The following PIN4 variants were observed in gnomAD, a reference collection of about 807,000 sequenced individuals.
PIN4 encodes the protein peptidyl-prolyl cis-trans isomerase NIMA-interacting 4.
Under a neutral mutation model 8.3 loss-of-function variants are expected in PIN4, and 3 were observed. That is an observed-to-expected ratio of 0.36 (90% CI 0.16 to 0.93). The LOEUF (loss-of-function observed/expected upper bound fraction) is 0.93. Ranked by LOEUF, PIN4 falls within the 40% of genes least tolerant of loss-of-function variation. PIN4 has a pLI of 0.44. For missense variants in PIN4, 75 were observed against 100.6 expected, an observed-to-expected ratio of 0.75 and a Z score of 1.09; for synonymous variants, 18 against 32.5, an observed-to-expected ratio of 0.55 and a Z score of 1.52.
At chrX:72,186,812 T>G (rs2042705987) in intron 2 of PIN4, among the ~76,000 whole-genome samples, 1 of 111,172 alleles carries the variant, frequency 9.0e-6, no homozygotes, top group African/African-American at 3.3e-5. Flanking sequence ...CCTAGCTACT[T>G]GGGAGGCTGA....
rs774754864 is a variant in PIN4 at position 72,208,565 on chromosome X, C to T, written c.312+11661C>T. ...TCATCTCCCTGTTCTGCCAACTCCT[C>T]CAAGGCTTCCTGTATTTTTTGGATT... On this transcript the variant is annotated intron_variant, in intron 3 of 3. Coordinates refer to the PIN4 transcript ENST00000423432. 6 of 1,211,819 alleles carry T rather than the reference C, an allele frequency of 5.0e-6. No individual in the cohort carries two copies. The South Asian group carries it at 1.1e-4, about 21-fold the overall frequency.
chrX:72,214,918 T>C (rs979672708), intron 3 of PIN4, among the ~76,000 whole-genome samples: 1 of 105,571 alleles, frequency 9.5e-6, no homozygotes, highest in East Asian at 3.1e-4. Context: ...ACTCAGGAGA[T>C]GGAGGTTGCA....
At chrX:72,233,807 T>A (rs1202622382) in intron 3 of PIN4, among the ~76,000 whole-genome samples, 1 of 109,246 alleles carries the variant, frequency 9.2e-6, no homozygotes, top group Admixed American at 9.9e-5. Flanking sequence ...GGCATGGTGG[T>A]TTTGTAAGAA....
intron 3 of PIN4, chrX:72,207,722 T>C (rs1425825702): frequency 8.3e-7 from 1 of 1,211,760 alleles, no homozygotes; most frequent in Non-Finnish European, 1.1e-6. Context: ...ACATCTGGAT[T>C]CTTTTCATTA....
chrX:72,238,108 T>A (rs1295500241), intron 3 of PIN4, among the ~76,000 whole-genome samples: 2 of 112,017 alleles, frequency 1.8e-5, no homozygotes, highest in Non-Finnish European at 3.8e-5. Context: ...CACAACAATA[T>A]GAATGTAGTC....
intron 3 of PIN4, among the ~76,000 whole-genome samples, chrX:72,212,004 G>A (rs975575049): frequency 5.4e-5 from 6 of 111,291 alleles, no homozygotes; most frequent in Non-Finnish European, 9.4e-5. Context: ...GCTGGGCATG[G>A]TGGCTCATGC....
At chrX:72,262,050 C>T (rs2043142004) in intron 3 of PIN4, among the ~76,000 whole-genome samples, 1 of 111,112 alleles carries the variant, frequency 9.0e-6, no homozygotes, top group Admixed American at 9.6e-5. Flanking sequence ...CTTCCCAGAC[C>T]CTCCCCCCAA....
intron 3 of PIN4, among the ~76,000 whole-genome samples, chrX:72,244,905 T>C (rs2043061781): frequency 9.5e-6 from 1 of 105,695 alleles, no homozygotes. Flanking sequence ...ACATGATTCA[T>C]CAGACAAAAA....
chrX:72,232,626 T>C (rs3012648), intron 3 of PIN4, among the ~76,000 whole-genome samples: 32,638 of 110,131 alleles, frequency 0.3, 3,941 homozygotes, highest in East Asian at 0.5. Flanking sequence ...CTGGCTAACA[T>C]GACGAAACCC....
intron 3 of PIN4, among the ~76,000 whole-genome samples, chrX:72,249,537 T>C (rs1389211097): frequency 8.9e-6 from 1 of 112,150 alleles, no homozygotes; most frequent in East Asian, 2.8e-4. Flanking sequence ...TGTCCCTGGA[T>C]GCCTGAATGG....
chrX:72,205,101 G>T, intron 3 of PIN4: 1 of 1,210,914 alleles, frequency 8.3e-7, no homozygotes, highest in Non-Finnish European at 1.1e-6. Context: ...CTTTAACTAA[G>T]CAGTTTAGGG....
downstream of PIN4, chrX:72,198,935 A>ACT: frequency 9.0e-6 from 1 of 111,212 alleles, no homozygotes; most frequent in South Asian, 3.9e-4. Flanking sequence ...AAAGGGGTGA[A>ACT]CTGGCCCAGG....
intron 3 of PIN4, among the ~76,000 whole-genome samples, chrX:72,260,704 C>A (rs900409895): frequency 8.9e-6 from 1 of 112,021 alleles, no homozygotes; most frequent in Non-Finnish European, 1.9e-5. Context: ...ATGTTCTTTT[C>A]TACAACTGGC....
intron 1 of PIN4, among the ~76,000 whole-genome samples, chrX:72,184,939 G>A (rs1226386921): frequency 1.8e-5 from 2 of 108,686 alleles, no homozygotes; most frequent in African/African-American, 6.7e-5. Flanking sequence ...TCAGGAGATC[G>A]AGACCATCCT....
intron 3 of PIN4, among the ~76,000 whole-genome samples, chrX:72,209,332 T>C (rs1361999530): frequency 1.8e-5 from 2 of 112,178 alleles, no homozygotes; most frequent in Non-Finnish European, 3.8e-5. Context: ...AGCTCTACTC[T>C]AGACCCATAT....
intron 2 of PIN4, among the ~76,000 whole-genome samples, chrX:72,194,685 G>C (rs866373663): frequency 4.1e-5 from 3 of 73,126 alleles, no homozygotes; most frequent in Admixed American, 3.9e-4. Context: ...CTGGGCAAAA[G>C]AGCGAAACTC....
chrX:72,185,455 A>G (rs1216735462), intron 1 of PIN4, among the ~76,000 whole-genome samples: 3 of 111,880 alleles, frequency 2.7e-5, no homozygotes, highest in African/African-American at 6.5e-5. Context: ...CCCCCTGTCC[A>G]TAACCATCTC....
At chrX:72,249,044 AATT>A (rs1331452959) in intron 3 of PIN4, among the ~76,000 whole-genome samples, 14 of 111,639 alleles carry the variant, frequency 1.3e-4, no homozygotes, top group African/African-American at 3.9e-4. Context: ...CTTAAATAAT[AATT>A]ATGTTTGCGA....
intron 1 of PIN4, among the ~76,000 whole-genome samples, chrX:72,183,621 G>A (rs888638291): frequency 3.6e-5 from 4 of 112,118 alleles, no homozygotes; most frequent in Non-Finnish European, 7.5e-5. Flanking sequence ...CCAGATTACC[G>A]TGACTAGAGA....
Sources: allele counts gnomAD v4.1 joint callset (sites outside exome capture counted in the v4.1 genomes callset), GRCh38; gene constraint gnomAD v4.1.1; transcripts MANE v1.5; gene names NCBI Gene and HGNC (gene_info 2026-07-23, HGNC 2026-07-21).